The following ITGA8 variants were observed in gnomAD, a reference collection of about 807,000 sequenced individuals.
ITGA8 encodes integrin subunit alpha 8, also known as integrin alpha-8.
A neutral mutation model predicts 142.3 loss-of-function variants in ITGA8; 91 were observed. The ratio of observed to expected loss-of-function variants is 0.64; its 90% CI spans 0.54 to 0.76. ITGA8 has a LOEUF of 0.76. ITGA8 is among the 30% of genes least tolerant of loss of function. The pLI is 0.00. For synonymous variants in ITGA8, 505 were observed against 485.2 expected (o/e 1.04, Z -0.54); for missense variants, 1,406 against 1,327.7 (o/e 1.06, Z -0.92).
In ITGA8 at chr10:15,515,410, C is replaced by G. The variant is rs1219189584; in HGVS notation, c.*1748G>C. ...TCGTCCATGTGCCTTTCATTTGCTC[C>G]TCAATGAAGTTCCGCAGCTGTAGCC... On this transcript the variant is annotated 3_prime_UTR_variant, in exon 30 of 30. Coordinates refer to ENST00000378076, the MANE Select transcript of ITGA8 (RefSeq NM_003638.3). The G allele has an allele frequency of 6.6e-6, 1 of 152,182 alleles. No homozygotes were observed. Among genetic ancestry groups the G allele is most frequent in the Non-Finnish European group, 1.5e-5 (1 of 68,032 alleles). The allele number at this position is 152,182 out of a possible 1,614,324, so 9.4% of individuals were successfully genotyped here. A position where few individuals can be genotyped will look rare whatever the true frequency, so the allele number is the denominator to read the frequency against.
chr10:15,607,917 A>T (rs1833226321), intron 16 of ITGA8, 86 bp from the exon 17 acceptor site: 1 of 1,215,200 alleles, frequency 8.2e-7, no homozygotes, highest in African/African-American at 1.5e-5. Flanking sequence ...CAAGTTGCTT[A>T]TTCAGGAAAC....
intron 23 of ITGA8, among the ~76,000 whole-genome samples, chr10:15,582,113 C>A (rs1834419479): frequency 6.6e-6 from 1 of 152,142 alleles, no homozygotes; most frequent in African/African-American, 2.4e-5. Flanking sequence ...GTGGCGCATG[C>A]CAGTAGTCCC....
At chr10:15,719,393 C>G (rs1835515269) in intron 1 of ITGA8, among the ~76,000 whole-genome samples, 170 bp downstream of exon 1, 1 of 152,208 alleles carries the variant, frequency 6.6e-6, no homozygotes, top group South Asian at 2.1e-4. Context: ...CAAGGCACAT[C>G]TAGCATGGCA....
chr10:15,582,631 A>C (rs188921678), intron 23 of ITGA8, among the ~76,000 whole-genome samples: 49 of 152,378 alleles, frequency 3.2e-4, no homozygotes, highest in South Asian at 1.2e-3. Flanking sequence ...ATTTGAAGGG[A>C]TACTTCACCA....
chr10:15,643,220 CT>C (rs1229147919), intron 13 of ITGA8, among the ~76,000 whole-genome samples: 5 of 152,260 alleles, frequency 3.3e-5, no homozygotes, highest in Non-Finnish European at 7.4e-5. Flanking sequence ...TGAACCAGTT[CT>C]TTTTTTCTCC....
chr10:15,608,402 T>TAC (rs3041592), intron 15 of ITGA8, 112 bp from the exon 16 acceptor site: 7,503 of 500,130 alleles, frequency 0.015, 21 homozygotes, highest in Middle Eastern at 0.025. Context: ...TATTTCTAAT[T>TAC]ACACACACAC....
At chr10:15,570,409 A>C (rs1459809124) in intron 25 of ITGA8, among the ~76,000 whole-genome samples, 1 of 151,908 alleles carries the variant, frequency 6.6e-6, no homozygotes, top group Non-Finnish European at 1.5e-5. Context: ...GGAGTTCGAG[A>C]CCAGCCTGGC....
intron 4 of ITGA8, among the ~76,000 whole-genome samples, chr10:15,682,725 C>T (rs1448814413): frequency 6.6e-6 from 1 of 152,002 alleles, no homozygotes; most frequent in Non-Finnish European, 1.5e-5. Context: ...GTGGCACATG[C>T]CTGTGGCCCC....
chr10:15,683,608 A>G (rs975351593), intron 4 of ITGA8, among the ~76,000 whole-genome samples: 1 of 152,208 alleles, frequency 6.6e-6, no homozygotes. Context: ...CCAGACAGAA[A>G]TCTCAAGTTG....
chr10:15,561,231 A>ATG (rs1554772730), intron 25 of ITGA8, among the ~76,000 whole-genome samples: 5 of 95,476 alleles, frequency 5.2e-5, no homozygotes, highest in South Asian at 4.0e-4. Context: ...ATATATATAT[A>ATG]TATGTATATA....
At position 15,515,350 on chromosome 10, in the gene ITGA8, C is replaced by G. The variant is rs1291842054; in HGVS notation, c.*1808G>C. Reference sequence around the variant, plus strand: ...ACTGCTACCAGGACAGTATTCAATTCACAGGCAGGAAGAACATGAACTGCA... The same window carrying G: ...ACTGCTACCAGGACAGTATTCAATTGACAGGCAGGAAGAACATGAACTGCA... On this transcript the variant is annotated 3_prime_UTR_variant, in exon 30 of 30. Transcript: ENST00000378076. 1 of 152,262 alleles carries G rather than the reference C, an allele frequency of 6.6e-6. No individual in the cohort carries two copies. Among genetic ancestry groups the G allele is most frequent in the South Asian group, 2.1e-4 (1 of 4,836 alleles). The allele number at this position is 152,262 out of a possible 1,614,324, so 9.4% of individuals were successfully genotyped here.
chr10:15,538,512 GAA>G (rs71374631), intron 27 of ITGA8, among the ~76,000 whole-genome samples: 2,079 of 98,506 alleles, frequency 0.021, 29 homozygotes, highest in Non-Finnish European at 0.029. Flanking sequence ...ACTCCGTCTC[GAA>G]AAAAAAAAAA....
At chr10:15,602,231 T>A (rs4747247) in intron 20 of ITGA8, among the ~76,000 whole-genome samples, 114,186 of 152,086 alleles carry the variant, frequency 0.75, 43,077 homozygotes, top group South Asian at 0.88. Context: ...TTTGTTTTTG[T>A]GTTTGTTTAT....
At position 15,657,509 on chromosome 10, in the gene ITGA8, C is replaced by CTTTTTTTTTTT. The variant is rs534714654; in HGVS notation, c.948+1489_948+1490insAAAAAAAAAAA. ...CTGCTGGTTTCTTTTTCTTTTCTTT[C>CTTTTTTTTTTT]ATTTTTTTTTTTTTTTTTTTTTAAC... On this transcript the variant is annotated intron_variant, in intron 10 of 29. Coordinates refer to ENST00000378076, the MANE Select transcript of ITGA8 (RefSeq NM_003638.3). Among the ~76,000 whole-genome samples the CTTTTTTTTTTT allele has an allele frequency of 8.6e-5, 10 of 116,496 alleles. 1 individual carries two copies. Among genetic ancestry groups the CTTTTTTTTTTT allele is most frequent in the African/African-American group, 9.6e-5 (3 of 31,330 alleles). The allele number at this position is 116,496 out of a possible 152,430, so 76.4% of individuals were successfully genotyped here.
At chr10:15,652,406 G>C (rs918732826) in intron 11 of ITGA8, among the ~76,000 whole-genome samples, 1 of 151,876 alleles carries the variant, frequency 6.6e-6, no homozygotes, top group African/African-American at 2.4e-5. Flanking sequence ...GCCGTCAGTG[G>C]GAAGAAATGT....
intron 2 of ITGA8, among the ~76,000 whole-genome samples, chr10:15,713,734 CAAAAT>C (rs1835401535): frequency 6.6e-6 from 1 of 152,130 alleles, no homozygotes; most frequent in South Asian, 2.1e-4. Flanking sequence ...TCACTCAACA[CAAAAT>C]AAAACAGACC....
chr10:15,698,775 T>C (rs997029082), intron 2 of ITGA8, among the ~76,000 whole-genome samples: 1 of 152,194 alleles, frequency 6.6e-6, no homozygotes, highest in Non-Finnish European at 1.5e-5. Context: ...TTCTTGCTGA[T>C]TTGTTTGAGT....
At chr10:15,557,811 G>T (rs955401986) in intron 26 of ITGA8, among the ~76,000 whole-genome samples, 3 of 152,194 alleles carry the variant, frequency 2.0e-5, no homozygotes, top group Admixed American at 6.5e-5. Context: ...ATGGATTGAA[G>T]GTCACAGTTG....
chr10:15,563,881 C>T (rs1834028268), intron 25 of ITGA8, among the ~76,000 whole-genome samples: 1 of 151,458 alleles, frequency 6.6e-6, no homozygotes, highest in South Asian at 2.1e-4. Context: ...AGTGCCACTG[C>T]ACTCTAGCAG....
Sources: gnomAD v4.1 joint callset for allele counts (sites outside exome capture counted in the v4.1 genomes callset) on GRCh38, gnomAD v4.1.1 for gene constraint, MANE v1.5 for transcripts, NCBI Gene and HGNC (gene_info 2026-07-23, HGNC 2026-07-21) for gene names.